Variants in USP25 observed in about 807,000 individuals in gnomAD.
USP25 encodes ubiquitin carboxyl-terminal hydrolase 25.
A neutral mutation model predicts 158.5 loss-of-function variants in USP25; 85 were observed. The ratio of observed to expected loss-of-function variants is 0.54; its 90% CI spans 0.45 to 0.64. The LOEUF (loss-of-function observed/expected upper bound fraction) is 0.64, where lower values mean the gene tolerates loss of function less well. Among genes scored for constraint, USP25 ranks in the 30% least tolerant of loss-of-function variants. The probability of loss-of-function intolerance (pLI) is 0.00; values close to 1 mark genes in which losing one functional copy is unlikely to be tolerated. For synonymous variants in USP25, 464 were observed against 460.4 expected, an observed-to-expected ratio of 1.01 and a Z score of -0.10; for missense variants, 1,242 against 1,327.3, an observed-to-expected ratio of 0.94 and a Z score of 1.00.
intron 12 of USP25, 42 bp downstream of exon 12, chr21:15,825,103 C>G (rs749266125): frequency 7.0e-7 from 1 of 1,436,248 alleles, no homozygotes; most frequent in Non-Finnish European, 9.5e-7. Context: ...TTATCAGAAA[C>G]CATGTATTTG....
At chr21:15,851,591 A>G (rs1301821930) in intron 20 of USP25, among the ~76,000 whole-genome samples, 3 of 151,992 alleles carry the variant, frequency 2.0e-5, no homozygotes, top group East Asian at 3.8e-4. Context: ...TGTATGCTAT[A>G]TGTGATTGAG....
At chr21:15,828,363 C>A (rs2146374169) in intron 14 of USP25, among the ~76,000 whole-genome samples, 1 of 152,218 alleles carries the variant, frequency 6.6e-6, no homozygotes, top group South Asian at 2.1e-4. Context: ...AGATTACATT[C>A]AGAGGAGTGG....
At chr21:15,774,790 A>G (rs2034542846) in intron 3 of USP25, among the ~76,000 whole-genome samples, 1 of 152,228 alleles carries the variant, frequency 6.6e-6, no homozygotes, top group Non-Finnish European at 1.5e-5. Flanking sequence ...TGTTTAAAAC[A>G]GTGAGTGTGT....
chr21:15,860,973 TATAGAGAG>T (rs1350804453), intron 20 of USP25, among the ~76,000 whole-genome samples: 11 of 142,490 alleles, frequency 7.7e-5, no homozygotes, highest in South Asian at 4.5e-4. Flanking sequence ...TATATATATA[TATAGAGAG>T]AGAGAGAGAG....
At chr21:15,811,554 A>G (rs1399244071) in intron 9 of USP25, among the ~76,000 whole-genome samples, 1 of 152,222 alleles carries the variant, frequency 6.6e-6, no homozygotes, top group African/African-American at 2.4e-5. Flanking sequence ...TGGGCTTGAT[A>G]TGATGCTCAC....
chr21:15,776,932 A>ATGT, intron 3 of USP25, among the ~76,000 whole-genome samples: 1 of 152,186 alleles, frequency 6.6e-6, no homozygotes, highest in East Asian at 1.9e-4. Flanking sequence ...TGCAAAGATA[A>ATGT]TAACAGATAG....
chr21:15,857,985 T>A lies in USP25; in HGVS notation c.2548-6283T>A, dbSNP rs1026323026. ...AAATCCCTTATCAGGGATTTATACT[T>A]AATGATATACTAAATCCCTACTTAT... On this transcript the variant is annotated intron_variant, in intron 20 of 25. Transcript: ENST00000400183. Among the ~76,000 whole-genome samples, 8 of 115,746 alleles carry A rather than the reference T, an allele frequency of 6.9e-5. No individual in the cohort carries two copies. In the East Asian group the frequency reaches 1.4e-3, roughly 20 times the overall value. The allele number at this position is 115,746 out of a possible 152,430, so 75.9% of individuals were successfully genotyped here.
At chr21:15,796,420 TA>T (rs2035864277) in intron 5 of USP25, among the ~76,000 whole-genome samples, 1 of 151,374 alleles carries the variant, frequency 6.6e-6, no homozygotes, top group Non-Finnish European at 1.5e-5. Context: ...GAATTTTGAG[TA>T]AAGAAGGATA....
chr21:15,846,873 A>G (rs1164307603), intron 18 of USP25, among the ~76,000 whole-genome samples: 1 of 152,146 alleles, frequency 6.6e-6, no homozygotes, highest in Non-Finnish European at 1.5e-5. Context: ...AATTTTCTGA[A>G]TTTTACACTG....
At chr21:15,800,526 T>TA (rs889723924) in intron 6 of USP25, among the ~76,000 whole-genome samples, 3 of 132,854 alleles carry the variant, frequency 2.3e-5, no homozygotes, top group Non-Finnish European at 5.0e-5. Flanking sequence ...AGTTAAACAA[T>TA]AAAAAAAATT....
chr21:15,872,886 TTG>T (rs148378969), intron 23 of USP25, among the ~76,000 whole-genome samples: 1,579 of 152,238 alleles, frequency 0.01, 27 homozygotes, highest in African/African-American at 0.036. Flanking sequence ...GAGTTTAAAA[TTG>T]TGTTTCTTTA....
chr21:15,763,685 C>T (rs1432326729), intron 2 of USP25, among the ~76,000 whole-genome samples: 2 of 152,134 alleles, frequency 1.3e-5, no homozygotes, highest in African/African-American at 4.8e-5. Context: ...ATATACACAG[C>T]TCCAATCCTT....
rs1008286208 is a variant in USP25 at position 15,743,448 on chromosome 21, G to A, written c.45+13010G>A. ...AAAGCTCTTGACAATGAGAGGGGAC[G>A]TGAAGTGGATAGCCCTCTGTGTGAG... On this transcript the variant is annotated intron_variant, in intron 1 of 25. Coordinates refer to ENST00000400183, the MANE Select transcript of USP25 (RefSeq NM_001283041.3). Among the ~76,000 whole-genome samples, 126 of 152,300 alleles carry A rather than the reference G, an allele frequency of 8.3e-4. 9 individuals carry two copies. Among genetic ancestry groups the A allele is most frequent in the Admixed American group, 6.5e-5 (1 of 15,296 alleles).
intron 23 of USP25, among the ~76,000 whole-genome samples, 160 bp from the exon 24 acceptor site, chr21:15,874,243 A>ATTT: frequency 6.6e-6 from 1 of 152,184 alleles, no homozygotes; most frequent in Non-Finnish European, 1.5e-5. Context: ...GCTGTTGCTA[A>ATTT]AAAGGCGCTC....
chr21:15,765,188 C>T (rs11911155), intron 2 of USP25, among the ~76,000 whole-genome samples: 2,737 of 152,148 alleles, frequency 0.018, 66 homozygotes, highest in African/African-American at 0.062. Flanking sequence ...AAGATAGCTT[C>T]GTTGTGAATA....
intron 21 of USP25, among the ~76,000 whole-genome samples, chr21:15,865,408 C>A (rs2039613978): frequency 6.6e-6 from 1 of 152,134 alleles, no homozygotes; most frequent in Admixed American, 6.5e-5. Flanking sequence ...CTGGATTGAT[C>A]CTACCTTATT....
chr21:15,853,986 A>C (rs146635725), intron 20 of USP25, among the ~76,000 whole-genome samples: 364 of 152,232 alleles, frequency 2.4e-3, no homozygotes, highest in African/African-American at 8.3e-3. Context: ...CATCATCATC[A>C]TTCAGTATTA....
intron 4 of USP25, among the ~76,000 whole-genome samples, chr21:15,790,842 A>G (rs1199100352): frequency 6.6e-6 from 1 of 151,914 alleles, no homozygotes; most frequent in Non-Finnish European, 1.5e-5. Context: ...TACTTAAGAT[A>G]TTCATAGGTG....
At chr21:15,770,621 C>G (rs1250373187) in intron 3 of USP25, among the ~76,000 whole-genome samples, 2 of 152,172 alleles carry the variant, frequency 1.3e-5, no homozygotes, top group African/African-American at 4.8e-5. Context: ...AAAAACAGAA[C>G]TAGACCATTT....
Sources: gnomAD v4.1 joint callset for allele counts (sites outside exome capture counted in the v4.1 genomes callset) on GRCh38, gnomAD v4.1.1 for gene constraint, MANE v1.5 for transcripts, NCBI Gene and HGNC (gene_info 2026-07-23, HGNC 2026-07-21) for gene names.